PTPRO: variants seen among roughly 807,000 people sequenced by gnomAD.
The protein encoded by PTPRO is receptor-type tyrosine-protein phosphatase O.
A neutral mutation model predicts 145.2 loss-of-function variants in PTPRO; 62 were observed. That is an observed-to-expected ratio of 0.43 (90% CI 0.35 to 0.53). PTPRO has a LOEUF of 0.53. Among genes scored for constraint, PTPRO ranks in the 20% least tolerant of loss-of-function variants. The pLI is 0.01. For synonymous variants in PTPRO, 565 were observed against 514.7 expected (o/e 1.10, Z -1.32); for missense variants, 1,345 against 1,482.7 (o/e 0.91, Z 1.53).
chr12:15,372,044 A>G (rs1938546609), intron 1 of PTPRO, among the ~76,000 whole-genome samples: 2 of 152,084 alleles, frequency 1.3e-5, no homozygotes, highest in South Asian at 4.1e-4. Flanking sequence ...AAACTAATAC[A>G]CTTATATTTT....
At chr12:15,343,313 T>C (rs77972467) in intron 1 of PTPRO, among the ~76,000 whole-genome samples, 2 of 152,130 alleles carry the variant, frequency 1.3e-5, no homozygotes, top group South Asian at 4.1e-4. Flanking sequence ...TTAGAAATTA[T>C]TGAAAGTCCT....
intron 12 of PTPRO, among the ~76,000 whole-genome samples, chr12:15,528,980 A>G (rs1015508399): frequency 1.3e-5 from 2 of 152,226 alleles, no homozygotes; most frequent in African/African-American, 4.8e-5. Flanking sequence ...AGAATTCACC[A>G]CTACCAGACC....
Position 15,558,498 on chromosome 12 carries a change from A to T in PTPRO, c.2627+975A>T, listed in dbSNP as rs76261973. ...TTATACCTGACAATGATAGATGAAG[A>T]TTAACAATCCTATCCAGTTCAATCA... On this transcript the variant is annotated intron_variant, in intron 16 of 26. Coordinates refer to ENST00000281171, the MANE Select transcript of PTPRO (RefSeq NM_030667.3). 1.4e-3 allele frequency among the ~76,000 whole-genome samples: 212 copies of T among 152,358 alleles called. 2 individuals are homozygous for T. In the East Asian group the frequency reaches 0.039, roughly 28 times the overall value.
intron 15 of PTPRO, among the ~76,000 whole-genome samples, chr12:15,554,246 T>C (rs1480874712): frequency 1.3e-5 from 2 of 152,086 alleles, no homozygotes; most frequent in Non-Finnish European, 2.9e-5. Context: ...CTTGAAAGGA[T>C]GGAGCTGCCA....
In PTPRO at chr12:15,372,564, G is replaced by A. The variant is rs145613014; in HGVS notation, c.75+49763G>A. Among the ~76,000 whole-genome samples the A allele has an allele frequency of 1.5e-3, 222 of 152,230 alleles. 2 individuals are homozygous for A. Among genetic ancestry groups the A allele is most frequent in the African/African-American group, 5.2e-3 (216 of 41,534 alleles). On this transcript the variant is annotated intron_variant, in intron 1 of 26. Coordinates refer to ENST00000281171, the MANE Select transcript of PTPRO (RefSeq NM_030667.3). ...CTAATTAAAACCACTATGATTTTGT[G>A]GGATTTTTTCTTTAAGTGGGAGGAC...
intron 1 of PTPRO, among the ~76,000 whole-genome samples, chr12:15,432,720 T>C (rs560759458): frequency 6.6e-6 from 1 of 152,348 alleles, no homozygotes; most frequent in South Asian, 2.1e-4. Flanking sequence ...CGGCATCTCA[T>C]TGTGGTTTTG....
Position 15,356,542 on chromosome 12 carries a change from A to G in PTPRO, c.75+33741A>G, listed in dbSNP as rs989649215. ...TAGGTGTTGATACTTATGACATAGTATGAAAGAGAAATGGAGCAGCACTTC... is the reference window on the plus strand; with the variant it reads ...TAGGTGTTGATACTTATGACATAGTGTGAAAGAGAAATGGAGCAGCACTTC... On this transcript the variant is annotated intron_variant, in intron 1 of 26. Transcript: ENST00000281171. Among the ~76,000 whole-genome samples the G allele has an allele frequency of 2.6e-5, 4 of 152,216 alleles. No individual in the cohort carries two copies. In the East Asian group the frequency reaches 7.7e-4, roughly 29 times the overall value.
chr12:15,544,034 T>C (rs1295739154), intron 12 of PTPRO, among the ~76,000 whole-genome samples: 2 of 152,120 alleles, frequency 1.3e-5, no homozygotes, highest in Non-Finnish European at 2.9e-5. Flanking sequence ...CCACAGACAA[T>C]GCACAGATAG....
chr12:15,437,960 G>T (rs1273582302), intron 1 of PTPRO, among the ~76,000 whole-genome samples: 1 of 152,176 alleles, frequency 6.6e-6, no homozygotes, highest in Non-Finnish European at 1.5e-5. Context: ...TCAACCCATT[G>T]CCTGGGCAAC....
intron 1 of PTPRO, among the ~76,000 whole-genome samples, chr12:15,423,832 G>T (rs2136330709): frequency 6.6e-6 from 1 of 152,252 alleles, no homozygotes; most frequent in Non-Finnish European, 1.5e-5. Flanking sequence ...CCACTTAGAT[G>T]ACTCAGAGTC....
chr12:15,465,492 G>A (rs912706818), intron 1 of PTPRO, among the ~76,000 whole-genome samples: 2 of 152,132 alleles, frequency 1.3e-5, no homozygotes, highest in Admixed American at 6.6e-5. Flanking sequence ...TTACTTCTAC[G>A]TCTTACTCTA....
intron 1 of PTPRO, among the ~76,000 whole-genome samples, chr12:15,441,720 A>G (rs1452530631): frequency 6.6e-6 from 1 of 152,146 alleles, no homozygotes; most frequent in Non-Finnish European, 1.5e-5. Context: ...GACCATTATG[A>G]ACCTCTCTAC....
intron 1 of PTPRO, among the ~76,000 whole-genome samples, chr12:15,359,040 A>T (rs537926967): frequency 6.6e-6 from 1 of 152,324 alleles, no homozygotes; most frequent in Admixed American, 6.5e-5. Context: ...TGCATCCAGA[A>T]TTTGGTCTAA....
At chr12:15,490,232 T>C (rs533222912) in intron 2 of PTPRO, among the ~76,000 whole-genome samples, 1 of 152,348 alleles carries the variant, frequency 6.6e-6, no homozygotes, top group East Asian at 1.9e-4. Context: ...TGTATAGCCT[T>C]AGGCAGATGA....
intron 1 of PTPRO, among the ~76,000 whole-genome samples, chr12:15,385,183 A>G (rs1233896063): frequency 6.6e-6 from 1 of 152,228 alleles, no homozygotes; most frequent in Non-Finnish European, 1.5e-5. Flanking sequence ...ATTTCAAGCA[A>G]TTAAATCACC....
intron 1 of PTPRO, among the ~76,000 whole-genome samples, chr12:15,379,378 A>T (rs1190849505): frequency 6.6e-6 from 1 of 151,406 alleles, no homozygotes; most frequent in Non-Finnish European, 1.5e-5. Flanking sequence ...AAAAAAAAAA[A>T]AAATTACCTG....
chr12:15,359,465 G>A (rs1224903593), intron 1 of PTPRO, among the ~76,000 whole-genome samples: 3 of 141,872 alleles, frequency 2.1e-5, no homozygotes, highest in Non-Finnish European at 4.5e-5. Flanking sequence ...CACTCTGTCG[G>A]CAGGGCTGGA....
rs559035358 is a variant in PTPRO at position 15,322,958 on chromosome 12, C to A, written c.75+157C>A. On this transcript the variant is annotated intron_variant, in intron 1 of 26. Coordinates refer to ENST00000281171, the MANE Select transcript of PTPRO (RefSeq NM_030667.3). The surrounding 1 kb of genome is among the most constrained non-coding windows in gnomAD (Gnocchi z 6.3). ...GCCTGGGCGCACGCTTTGTTGTCCT[C>A]GCGTGTGCGTGTTCCTGGTGGTCTT... Among the ~76,000 whole-genome samples the A allele has an allele frequency of 6.2e-4, 94 of 152,302 alleles. No individual in the cohort carries two copies. The highest frequency in any genetic ancestry group is 2.2e-3 in the African/African-American group (92 of 41,590).
At chr12:15,589,394 AG>A (rs1462010228) in intron 24 of PTPRO, 60 bp from the exon 25 acceptor site, 1 of 1,563,630 alleles carries the variant, frequency 6.4e-7, no homozygotes. Flanking sequence ...AAAAAAAAAG[AG>A]GGGGGAGAAA....
Sources: gnomAD v4.1 joint callset for allele counts (sites outside exome capture counted in the v4.1 genomes callset) on GRCh38, gnomAD v4.1.1 for gene constraint, Gnocchi (gnomAD v3.1) non-coding constraint, MANE v1.5 for transcripts, NCBI Gene and HGNC (gene_info 2026-07-23, HGNC 2026-07-21) for gene names.